Variants in AP1B1 observed in about 807,000 individuals in gnomAD.
AP1B1 encodes adaptor related protein complex 1 subunit beta 1.
AP1B1 carries 36 observed loss-of-function variants against 104.3 expected under a neutral mutation model. The ratio of observed to expected loss-of-function variants is 0.35; its 90% confidence interval spans 0.26 to 0.46. The LOEUF (loss-of-function observed/expected upper bound fraction) is 0.46, where lower values mean the gene tolerates loss of function less well. AP1B1 is among the 20% of genes least tolerant of loss of function. The probability of loss-of-function intolerance (pLI) is 1.00; values close to 1 mark genes in which losing one functional copy is unlikely to be tolerated. For synonymous variants in AP1B1, 504 were observed against 517.5 expected, an observed-to-expected ratio of 0.97 and a Z score of 0.35; for missense variants, 901 against 1,247.9, an observed-to-expected ratio of 0.72 and a Z score of 4.19.
Position 29,331,526 on chromosome 22 carries a change from A to G in AP1B1, c.2447T>C (p.Val816Ala). Residue 816 changes from valine to alanine, a missense_variant, in exon 19 of 23, where the codon GTG becomes GCG. By Grantham distance (64) the Val-to-Ala change is moderately conservative. Coordinates refer to ENST00000357586, the MANE Select transcript of AP1B1 (RefSeq NM_001127.4). Reference protein sequence around the residue: ...MEPLNNLQVAVKNNIDVFYFS... With the variant: ...MEPLNNLQVAAKNNIDVFYFS... ...GTAGAAGACATCGATGTTGTTCTTC[A>G]CGGCCACCTAGGCACAAGGGGGTCC... 1 of 1,614,152 alleles carries G rather than the reference A, an allele frequency of 6.2e-7. No homozygotes were observed. The highest frequency in any genetic ancestry group is 8.5e-7 in the Non-Finnish European group (1 of 1,180,018).
At chr22:29,334,830 TCTG>T (rs1479716325) in intron 16 of AP1B1, among the ~76,000 whole-genome samples, 1 of 152,208 alleles carries the variant, frequency 6.6e-6, no homozygotes, top group East Asian at 1.9e-4. Context: ...TCGGCCAGAA[TCTG>T]GGCCTTCCTG....
chr22:29,338,858 CCT>C, intron 16 of AP1B1, 130 bp downstream of exon 16: 1 of 1,314,640 alleles, frequency 7.6e-7, no homozygotes, highest in Non-Finnish European at 1.0e-6. Context: ...CCTCGGTGCC[CCT>C]GTGGCCCCCA....
At chr22:29,330,582 G>C in intron 20 of AP1B1, 41 bp downstream of exon 20, 1 of 1,613,300 alleles carries the variant, frequency 6.2e-7, no homozygotes, top group Non-Finnish European at 8.5e-7. Flanking sequence ...GGGGGCCTGG[G>C]TACAGGCGAG....
chr22:29,349,514 AGTTTT>A, intron 10 of AP1B1, 131 bp from the exon 11 acceptor site: 1 of 907,578 alleles, frequency 1.1e-6, no homozygotes, highest in Non-Finnish European at 1.6e-6. Context: ...AGGGGATCTG[AGTTTT>A]GTTTTTTTTT....
chr22:29,357,238 T>C (rs1240528364), intron 5 of AP1B1, among the ~76,000 whole-genome samples: 1 of 151,870 alleles, frequency 6.6e-6, no homozygotes, highest in Non-Finnish European at 1.5e-5. Context: ...CAGCTGATTT[T>C]TGTATTTTTA....
At chr22:29,361,918 C>A (rs1041737051) in intron 3 of AP1B1, among the ~76,000 whole-genome samples, 46 of 152,180 alleles carry the variant, frequency 3.0e-4, no homozygotes, top group African/African-American at 1.1e-3. Context: ...CTCAGCCTCC[C>A]AAGTAGCTGG....
At chr22:29,381,665 G>A (rs999128883) in intron 1 of AP1B1, among the ~76,000 whole-genome samples, 1 of 152,238 alleles carries the variant, frequency 6.6e-6, no homozygotes, top group Non-Finnish European at 1.5e-5. Flanking sequence ...AATTATGAGA[G>A]AGAGAAGAAA....
chr22:29,341,243 C>T (rs1441394098), intron 13 of AP1B1, among the ~76,000 whole-genome samples: 1 of 152,242 alleles, frequency 6.6e-6, no homozygotes, highest in Non-Finnish European at 1.5e-5. Flanking sequence ...GCTGTGAGAT[C>T]CTGGACCAGT....
At chr22:29,361,741 T>A (rs912149405) in intron 3 of AP1B1, among the ~76,000 whole-genome samples, 28 of 151,796 alleles carry the variant, frequency 1.8e-4, no homozygotes, top group African/African-American at 6.8e-4. Context: ...ATGCTTTGAG[T>A]TTGAGGTAGT....
chr22:29,332,712 G>C (rs927518287), intron 17 of AP1B1, among the ~76,000 whole-genome samples: 1 of 152,192 alleles, frequency 6.6e-6, no homozygotes, highest in African/African-American at 2.4e-5. Context: ...GCGCTGCTGA[G>C]AATCAGAGTT....
At chr22:29,377,441 A>C (rs2062363375) in intron 1 of AP1B1, among the ~76,000 whole-genome samples, 1 of 152,150 alleles carries the variant, frequency 6.6e-6, no homozygotes, top group African/African-American at 2.4e-5. Context: ...TGAAATTTGG[A>C]ACAAAGGTGG....
intron 9 of AP1B1, 109 bp from the exon 10 acceptor site, chr22:29,350,259 C>G: frequency 2.6e-6 from 2 of 772,306 alleles, no homozygotes; most frequent in Non-Finnish European, 4.4e-6. Flanking sequence ...GGCACACCTT[C>G]CTCATCACAG....
intron 11 of AP1B1, 149 bp from the exon 12 acceptor site, chr22:29,342,532 C>G: frequency 3.1e-6 from 2 of 653,742 alleles, no homozygotes; most frequent in Non-Finnish European, 5.3e-6. Context: ...GGCACACAGG[C>G]AAAGGGCTGC....
rs1284084174 is a variant in AP1B1, at chr22:29,356,359, C to T, written c.716+67G>A. ...GCCCACTAAGGCCCAAGGCCCAGTG[C>T]CTGGTTGGAGCCCCTGAGGACCAGG... On this transcript the variant is annotated intron_variant, in intron 6 of 22. Transcript: ENST00000357586. 6 of 1,502,460 alleles carry T rather than the reference C, an allele frequency of 4.0e-6. No homozygotes were observed. In the Admixed American group the frequency reaches 6.1e-5, roughly 15 times the overall value. The allele number at this position is 1,502,460 out of a possible 1,614,324, so 93.1% of individuals were successfully genotyped here. A position where few individuals can be genotyped will look rare whatever the true frequency, so the allele number is the denominator to read the frequency against.
chr22:29,360,049 TG>T, intron 3 of AP1B1, 90 bp from the exon 4 acceptor site: 1 of 1,430,394 alleles, frequency 7.0e-7, no homozygotes. Flanking sequence ...GAGAGGACAG[TG>T]GGTAGGAGAG....
chr22:29,338,936 C>A, intron 16 of AP1B1, 54 bp downstream of exon 16: 2 of 1,605,618 alleles, frequency 1.2e-6, no homozygotes, highest in Non-Finnish European at 1.7e-6. Flanking sequence ...AGCCCACATG[C>A]CAGTCTCCAT....
chr22:29,331,572 G>A (rs751675262), intron 18 of AP1B1, 39 bp from the exon 19 acceptor site: 7 of 1,609,242 alleles, frequency 4.3e-6, no homozygotes, highest in African/African-American at 2.7e-5. Context: ...TCTGGGGCTT[G>A]ACGCCACCTC....
intron 1 of AP1B1, among the ~76,000 whole-genome samples, chr22:29,380,805 G>A (rs2062424347): frequency 6.6e-6 from 1 of 152,114 alleles, no homozygotes; most frequent in Non-Finnish European, 1.5e-5. Flanking sequence ...CTCAGCAACA[G>A]CCAGGATGAT....
Position 29,339,004 on chromosome 22 carries a change from CAT to C in AP1B1, c.2147_2148del (p.Tyr716CysfsTer14). On this transcript the variant is annotated frameshift_variant, in exon 16 of 23. Transcript: ENST00000357586. LOFTEE classifies it high-confidence loss of function. Reference sequence around the variant, plus strand: ...AAGTGACTTACTGCTTTGGGGGCCACATATGATCCTGACAGGGTGCCCACGCC... The same window carrying C: ...AAGTGACTTACTGCTTTGGGGGCCACATGATCCTGACAGGGTGCCCACGCC... ...TSGVGTLSGS[Y>X]VAPKAVWLPA... 1 of 1,614,186 alleles carries C rather than the reference CAT, an allele frequency of 6.2e-7. No homozygotes were observed. The highest frequency in any genetic ancestry group is 8.5e-7 in the Non-Finnish European group (1 of 1,180,032).
Sources: allele counts gnomAD v4.1 joint callset (sites outside exome capture counted in the v4.1 genomes callset), GRCh38; gene constraint gnomAD v4.1.1; transcripts MANE v1.5; gene names NCBI Gene and HGNC (gene_info 2026-07-23, HGNC 2026-07-21).